The following RDX variants were observed in gnomAD, a reference collection of about 807,000 sequenced individuals.
The protein encoded by RDX is deafness, autosomal recessive 24.
RDX carries 32 observed loss-of-function variants against 83.7 expected under a neutral mutation model. The ratio of observed to expected loss-of-function variants is 0.38; its 90% CI spans 0.29 to 0.51. The LOEUF (loss-of-function observed/expected upper bound fraction) is 0.51, where lower values mean the gene tolerates loss of function less well. Among genes scored for constraint, RDX ranks in the 20% least tolerant of loss-of-function variants. RDX has a pLI of 0.87. For missense variants in RDX, 600 were observed against 689.9 expected (o/e 0.87, Z 1.46); for synonymous variants, 229 against 222.7 (o/e 1.03, Z -0.25).
downstream of RDX, among the ~76,000 whole-genome samples, chr11:110,227,096 A>G (rs553139262): frequency 5.1e-4 from 77 of 152,322 alleles, no homozygotes; most frequent in African/African-American, 1.7e-3. Context: ...ATAAAAGGAA[A>G]GTGAGGGAGG....
intron 15 of RDX, among the ~76,000 whole-genome samples, chr11:110,198,683 C>T (rs2134235038): frequency 6.6e-6 from 1 of 152,300 alleles, no homozygotes; most frequent in South Asian, 2.1e-4. Context: ...ACCATCCCCT[C>T]CACCCCCCAA....
In RDX at chr11:110,274,627, GACT is replaced by G. The variant is rs570815529; in HGVS notation, c.13-2011_13-2009del. On this transcript the variant is annotated intron_variant, in intron 2 of 13. Coordinates refer to ENST00000645495, the MANE Select transcript of RDX (RefSeq NM_002906.4). ...CCGCCTCAGCCTCTTGAGTGGCTGG[GACT>G]ACTGTTACTACACACTTCTCATATA... Among the ~76,000 whole-genome samples the G allele has an allele frequency of 1.5e-4, 22 of 149,232 alleles. No homozygotes were observed. The East Asian group carries it at 4.0e-3, about 27-fold the overall frequency.
chr11:110,195,698 C>G (rs1282778374), intron 15 of RDX: 1 of 152,216 alleles, frequency 6.6e-6, no homozygotes, highest in African/African-American at 2.4e-5. Flanking sequence ...TGAGTTTGCT[C>G]TTGGATTGAA....
At chr11:110,294,385 T>C (rs973492054) in intron 1 of RDX, among the ~76,000 whole-genome samples, 25 of 152,202 alleles carry the variant, frequency 1.6e-4, no homozygotes, top group African/African-American at 5.1e-4. Flanking sequence ...CAGAGCGAGA[T>C]GGGCTAACTG....
intron 8 of RDX, 49 bp downstream of exon 8, chr11:110,255,240 T>C (rs1485102357): frequency 1.1e-6 from 1 of 949,142 alleles, no homozygotes; most frequent in Non-Finnish European, 1.7e-6. Flanking sequence ...CATGGGAAAC[T>C]AGCAGATATT....
intron 10 of RDX, among the ~76,000 whole-genome samples, chr11:110,241,075 A>AAAG (rs1565310090): frequency 2.2e-5 from 3 of 134,136 alleles, no homozygotes; most frequent in South Asian, 2.7e-4. Flanking sequence ...AAAAAAAAAA[A>AAAG]GGGGCGGGGG....
At chr11:110,278,809 T>C (rs1350370625) in intron 2 of RDX, among the ~76,000 whole-genome samples, 1 of 151,052 alleles carries the variant, frequency 6.6e-6, no homozygotes, top group Admixed American at 6.6e-5. Flanking sequence ...ATCCCAAAAA[T>C]GATAACTAAT....
intron 1 of RDX, among the ~76,000 whole-genome samples, chr11:110,293,671 G>A (rs576983006): frequency 1.3e-5 from 2 of 152,244 alleles, no homozygotes; most frequent in East Asian, 1.9e-4. Flanking sequence ...TGTACCCCAG[G>A]GGTAGTATCA....
downstream of RDX, among the ~76,000 whole-genome samples, chr11:110,228,941 CT>C (rs1475801609): frequency 7.1e-6 from 1 of 140,240 alleles, no homozygotes. Context: ...AAAAATCTAG[CT>C]TTTACTATTT....
chr11:110,275,830 G>A (rs1860492160), intron 2 of RDX, among the ~76,000 whole-genome samples: 1 of 145,234 alleles, frequency 6.9e-6, no homozygotes, highest in Admixed American at 7.0e-5. Flanking sequence ...TGTCACCCAG[G>A]CTAGTGTGCA....
At chr11:110,262,729 G>A (rs1010058533) in intron 5 of RDX, among the ~76,000 whole-genome samples, 5 of 152,062 alleles carry the variant, frequency 3.3e-5, no homozygotes, top group South Asian at 2.1e-4. Flanking sequence ...TAAACTAGAA[G>A]GTAGCCAGAG....
chr11:110,190,409 G>C (rs1700128113), intron 15 of RDX, among the ~76,000 whole-genome samples: 1 of 152,186 alleles, frequency 6.6e-6, no homozygotes, highest in African/African-American at 2.4e-5. Context: ...AGCCGAGACT[G>C]TGCCACTGTA....
chr11:110,224,056 C>A (rs1047604487), intron 14 of RDX, among the ~76,000 whole-genome samples: 3 of 151,920 alleles, frequency 2.0e-5, no homozygotes, highest in Non-Finnish European at 4.4e-5. Flanking sequence ...AGAAAGAAAT[C>A]TAAAGAAATT....
intron 10 of RDX, among the ~76,000 whole-genome samples, chr11:110,241,090 A>G (rs1447619106): frequency 6.6e-6 from 1 of 151,044 alleles, no homozygotes; most frequent in Non-Finnish European, 1.5e-5. Flanking sequence ...CGGGGGGGCA[A>G]AGATGTGTAC....
chr11:110,247,709 G>A lies in RDX; in HGVS notation c.1084C>T (p.Gln362Ter). Residue 362 changes from glutamine (Q) to a stop codon, truncating the protein, a stop_gained, in exon 10 of 14, where the codon CAG becomes TAG. Coordinates refer to ENST00000645495, the MANE Select transcript of RDX (RefSeq NM_002906.4). LOFTEE classifies it high-confidence loss of function. ...TCAAAAAAGAAACTTTTACCTTTCT[G>A]AGCTTTAATTGTCTGCTCTTCAATT... is the stretch of plus-strand genomic sequence containing the variant. Reference protein sequence around the residue: ...KQIEEQTIKAQKELEEQTRKA... With the variant: ...KQIEEQTIKA The A allele has an allele frequency of 6.2e-7, 1 of 1,611,578 alleles. No homozygotes were observed. Among genetic ancestry groups the A allele is most frequent in the Non-Finnish European group, 8.5e-7 (1 of 1,179,438 alleles).
intron 1 of RDX, among the ~76,000 whole-genome samples, chr11:110,284,195 T>G (rs1027660170): frequency 2.3e-4 from 35 of 152,240 alleles, no homozygotes; most frequent in African/African-American, 8.2e-4. Flanking sequence ...AGAGAATACA[T>G]AACAAAAGCT....
chr11:110,210,005 TGA>T (rs1863773051), intron 14 of RDX, among the ~76,000 whole-genome samples: 2 of 138,914 alleles, frequency 1.4e-5, no homozygotes, highest in African/African-American at 5.4e-5. Context: ...TTTGACGAGC[TGA>T]GAGAAGAAGG....
chr11:110,282,691 C>G (rs1860810908), intron 1 of RDX, among the ~76,000 whole-genome samples: 1 of 152,068 alleles, frequency 6.6e-6, no homozygotes, highest in Admixed American at 6.6e-5. Context: ...TAAACCCATC[C>G]ATAGTAGCCA....
chr11:110,283,203 G>C (rs552336956), intron 1 of RDX, among the ~76,000 whole-genome samples: 2 of 152,204 alleles, frequency 1.3e-5, no homozygotes, highest in East Asian at 1.9e-4. Context: ...ACCCAGGCTG[G>C]AGTGCAGTGG....
Sources: allele counts gnomAD v4.1 joint callset (sites outside exome capture counted in the v4.1 genomes callset), GRCh38; gene constraint gnomAD v4.1.1; transcripts MANE v1.5; gene names NCBI Gene and HGNC (gene_info 2026-07-23, HGNC 2026-07-21).